GFRA2: variants seen among roughly 807,000 people sequenced by gnomAD.
GFRA2 encodes the protein GDNF family receptor alpha 2, also known as GDNF family receptor alpha-2.
In GFRA2, 17 loss-of-function variants were observed where a neutral mutation model predicts 48.3. That is an observed-to-expected ratio of 0.35 (90% CI 0.24 to 0.53). The LOEUF is 0.53. GFRA2 is among the 20% of genes least tolerant of loss of function. The pLI is 0.93. For missense variants in GFRA2, 660 were observed against 637.3 expected (o/e 1.04, Z -0.38); for synonymous variants, 305 against 257.2 (o/e 1.19, Z -1.78).
chr8:21,698,946 T>C (rs2117337309), intron 7 of GFRA2, among the ~76,000 whole-genome samples: 1 of 152,342 alleles, frequency 6.6e-6, no homozygotes, highest in Admixed American at 6.5e-5. Flanking sequence ...GGCACTGTTA[T>C]GCCCACGGGT....
At chr8:21,694,091 A>ATATATATATATATATATATAT in intron 8 of GFRA2, among the ~76,000 whole-genome samples, 1 of 139,754 alleles carries the variant, frequency 7.2e-6, no homozygotes, top group South Asian at 2.3e-4. Context: ...ATATATATAT[A>ATATATATATATATATATATAT]TTTCCTATAG....
chr8:21,773,967 C>T (rs1806562440), intron 3 of GFRA2, among the ~76,000 whole-genome samples: 1 of 152,154 alleles, frequency 6.6e-6, no homozygotes, highest in East Asian at 1.9e-4. Flanking sequence ...TTAACCAGCC[C>T]AAAATGTCAA....
intron 4 of GFRA2, among the ~76,000 whole-genome samples, chr8:21,749,711 T>A (rs186042233): frequency 6.6e-6 from 1 of 151,800 alleles, no homozygotes; most frequent in Non-Finnish European, 1.5e-5. Flanking sequence ...CACTCTGTAT[T>A]CAGGTCTGAT....
At chr8:21,775,122 T>C (rs1806632423) in intron 2 of GFRA2, 67 bp from the exon 3 acceptor site, 4 of 801,182 alleles carry the variant, frequency 5.0e-6, no homozygotes, top group Non-Finnish European at 8.8e-6. Flanking sequence ...ACTTAGCAAA[T>C]CTGCCGGAGG....
chr8:21,759,406 GAGAGAGGGAA>G (rs1563251964), intron 3 of GFRA2, among the ~76,000 whole-genome samples: 1,349 of 113,390 alleles, frequency 0.012, 25 homozygotes, highest in African/African-American at 0.043. Context: ...GAAAGGAAGA[GAGAGAGGGAA>G]AGAGGGAAAG....
intron 4 of GFRA2, among the ~76,000 whole-genome samples, chr8:21,709,631 C>T (rs1802917546): frequency 6.6e-6 from 1 of 152,160 alleles, no homozygotes; most frequent in African/African-American, 2.4e-5. Flanking sequence ...GAGATCATTG[C>T]TTGCTTATCT....
At chr8:21,724,557 C>T (rs1461211430) in intron 4 of GFRA2, among the ~76,000 whole-genome samples, 1 of 152,142 alleles carries the variant, frequency 6.6e-6, no homozygotes, top group African/African-American at 2.4e-5. Flanking sequence ...AGGCCTTAGA[C>T]AAAGCCCTGT....
chr8:21,742,026 G>A (rs189335042), intron 4 of GFRA2, among the ~76,000 whole-genome samples: 20 of 152,060 alleles, frequency 1.3e-4, no homozygotes, highest in Admixed American at 9.8e-4. Flanking sequence ...AATATTAAAG[G>A]AAAGCCACGT....
At chr8:21,810,828 C>T (rs958630713) in intron 1 of GFRA2, among the ~76,000 whole-genome samples, 15 of 152,172 alleles carry the variant, frequency 9.9e-5, no homozygotes, top group African/African-American at 3.6e-4. Flanking sequence ...GGGAACCAGA[C>T]TTGGTGGGCT....
At chr8:21,733,990 G>A (rs1049381341) in intron 4 of GFRA2, among the ~76,000 whole-genome samples, 1 of 152,194 alleles carries the variant, frequency 6.6e-6, no homozygotes, top group Non-Finnish European at 1.5e-5. Flanking sequence ...ACAGGGGAGG[G>A]AGGGCAGGGG....
rs1273637017 is a variant in GFRA2, at chr8:21,750,331, T to C, written c.794+257A>G. ...TTGGTTTCCCCAGCTGAGCACAAAGTAAGCAAATGATAAACCTGTTCTGAG... is the reference window on the plus strand; with the variant it reads ...TTGGTTTCCCCAGCTGAGCACAAAGCAAGCAAATGATAAACCTGTTCTGAG... On this transcript the variant is annotated intron_variant, in intron 4 of 8. Transcript: ENST00000524240. This position sits in a 1 kb window ranked among gnomAD's most constrained non-coding sequence, Gnocchi z 5.7. Among the ~76,000 whole-genome samples the C allele has an allele frequency of 6.6e-6, 1 of 152,112 alleles. No individual in the cohort carries two copies. Among genetic ancestry groups the C allele is most frequent in the Non-Finnish European group, 1.5e-5 (1 of 68,020 alleles).
chr8:21,742,697 G>C (rs566111504), intron 4 of GFRA2, among the ~76,000 whole-genome samples: 4 of 152,310 alleles, frequency 2.6e-5, no homozygotes, highest in Non-Finnish European at 5.9e-5. Flanking sequence ...GAGGCCTCTG[G>C]TACAAACAAA....
chr8:21,702,989 G>A lies in GFRA2; in HGVS notation c.1046-12C>T, dbSNP rs1341097584. ...CTGGATGGCGTTCCCTGGGATGGGGGTGAGGGCAGATGCAGAGAAGTCAGA... is the reference window on the plus strand; with the variant it reads ...CTGGATGGCGTTCCCTGGGATGGGGATGAGGGCAGATGCAGAGAAGTCAGA... On this transcript the variant is annotated splice_polypyrimidine_tract_variant and intron_variant, in intron 6 of 8. Coordinates refer to ENST00000524240, the MANE Select transcript of GFRA2 (RefSeq NM_001495.5). 2.0e-6 allele frequency: 3 copies of A among 1,496,338 alleles called. No homozygotes were observed. The highest frequency in any genetic ancestry group is 4.9e-5 in the East Asian group (2 of 40,542). The allele number at this position is 1,496,338 out of a possible 1,614,324, so 92.7% of individuals were successfully genotyped here.
intron 4 of GFRA2, among the ~76,000 whole-genome samples, chr8:21,745,827 C>T (rs969282400): frequency 3.9e-5 from 6 of 152,160 alleles, no homozygotes; most frequent in African/African-American, 1.4e-4. Flanking sequence ...CTTCCAGGCC[C>T]GGCCCAGGGA....
chr8:21,793,588 T>C (rs1807617013), upstream of GFRA2, among the ~76,000 whole-genome samples: 3 of 152,188 alleles, frequency 2.0e-5, no homozygotes, highest in Non-Finnish European at 4.4e-5. Flanking sequence ...TGGCTATTAT[T>C]AGGTACTATT....
Position 21,693,229 on chromosome 8 carries a change from G to C in GFRA2, c.*49C>G, listed in dbSNP as rs73552629. ...TGTGTTTCCATTTCGTCAGGCGGCT[G>C]TTCTTGTCTGCGTAGCTTTCAAAAA... On this transcript the variant is annotated 3_prime_UTR_variant, in exon 9 of 9. Coordinates refer to ENST00000524240, the MANE Select transcript of GFRA2 (RefSeq NM_001495.5). 2.0e-5 allele frequency: 31 copies of C among 1,566,752 alleles called. No homozygotes were observed. Among genetic ancestry groups the C allele is most frequent in the Non-Finnish European group, 2.6e-5 (30 of 1,151,496 alleles).
chr8:21,781,117 T>C (rs890460122), intron 2 of GFRA2, among the ~76,000 whole-genome samples: 4 of 152,028 alleles, frequency 2.6e-5, no homozygotes, highest in African/African-American at 9.7e-5. Flanking sequence ...CACAAATAAA[T>C]AGCTCTTAGA....
chr8:21,751,473 T>C (rs1297408102), intron 3 of GFRA2, among the ~76,000 whole-genome samples: 1 of 152,194 alleles, frequency 6.6e-6, no homozygotes, highest in Non-Finnish European at 1.5e-5. Flanking sequence ...CCCAACCTTG[T>C]TATTTTACAG....
intron 4 of GFRA2, among the ~76,000 whole-genome samples, chr8:21,744,759 T>C (rs747312536): frequency 3.9e-5 from 6 of 152,168 alleles, no homozygotes; most frequent in South Asian, 4.1e-4. Context: ...CAGAAGGCTT[T>C]TAAAGGAAAC....
Sources: gnomAD v4.1 joint callset for allele counts (sites outside exome capture counted in the v4.1 genomes callset) on GRCh38, gnomAD v4.1.1 for gene constraint, Gnocchi (gnomAD v3.1) non-coding constraint, MANE v1.5 for transcripts, NCBI Gene and HGNC (gene_info 2026-07-23, HGNC 2026-07-21) for gene names.